Variants in CRTAC1 observed in about 807,000 individuals in gnomAD.
The protein encoded by CRTAC1 is acidic secreted protein in cartilage.
A neutral mutation model predicts 67.8 loss-of-function variants in CRTAC1; 37 were observed. That is an observed-to-expected ratio of 0.55 (90% CI 0.42 to 0.72). CRTAC1 has a LOEUF of 0.72. CRTAC1 is among the 30% of genes least tolerant of loss of function. CRTAC1 has a pLI of 0.00. For synonymous variants in CRTAC1, 348 were observed against 371.0 expected, an observed-to-expected ratio of 0.94 and a Z score of 0.71; for missense variants, 780 against 931.6, an observed-to-expected ratio of 0.84 and a Z score of 2.12.
chr10:97,996,845 C>A (rs1330819279), intron 2 of CRTAC1, among the ~76,000 whole-genome samples: 1 of 151,988 alleles, frequency 6.6e-6, no homozygotes, highest in Non-Finnish European at 1.5e-5. Context: ...AAATGTCCAA[C>A]AATGATAGAT....
At chr10:98,009,877 AGC>A (rs1288587011) in intron 2 of CRTAC1, among the ~76,000 whole-genome samples, 2 of 152,156 alleles carry the variant, frequency 1.3e-5, no homozygotes, top group African/African-American at 4.8e-5. Context: ...CTATTTACTT[AGC>A]AGAGAGCAAG....
chr10:97,897,361 A>T (rs978871818), intron 8 of CRTAC1, among the ~76,000 whole-genome samples: 3 of 151,938 alleles, frequency 2.0e-5, no homozygotes, highest in Admixed American at 6.6e-5. Flanking sequence ...GTTTAACCCC[A>T]CTCAATGCTA....
chr10:97,924,042 G>A (rs2136597432), intron 3 of CRTAC1, among the ~76,000 whole-genome samples: 1 of 152,272 alleles, frequency 6.6e-6, no homozygotes, highest in Admixed American at 6.5e-5. Context: ...TGGATTACTG[G>A]CCCCTTTGAG....
intron 5 of CRTAC1, among the ~76,000 whole-genome samples, chr10:97,915,977 C>T (rs981456891): frequency 7.9e-5 from 12 of 152,130 alleles, no homozygotes; most frequent in Admixed American, 7.9e-4. Context: ...TCCTCATCTG[C>T]CTCCTCTGGG....
At chr10:97,977,657 G>A (rs1164645339) in intron 2 of CRTAC1, among the ~76,000 whole-genome samples, 2 of 152,176 alleles carry the variant, frequency 1.3e-5, no homozygotes, top group Non-Finnish European at 1.5e-5. Context: ...GAGACCCAGA[G>A]AGGAACAAGA....
intron 3 of CRTAC1, among the ~76,000 whole-genome samples, chr10:97,928,108 G>C (rs1474410075): frequency 1.3e-5 from 2 of 152,222 alleles, no homozygotes; most frequent in African/African-American, 4.8e-5. Context: ...GGCAGGGCAG[G>C]GGGCCATGGA....
In CRTAC1 at chr10:97,955,592, G is replaced by A. The variant is rs911384162; in HGVS notation, c.225-19226C>T. On this transcript the variant is annotated intron_variant, in intron 2 of 14. Transcript: ENST00000370597. The stretch of plus-strand genomic sequence containing the variant: ...ATCTCATTCCCATTTTCATTGTCTT[G>A]TGCATGCCTCTACTGACCAGTTCCC... Among the ~76,000 whole-genome samples, 14 of 152,064 alleles carry A rather than the reference G, an allele frequency of 9.2e-5. 1 individual carries two copies. The highest frequency in any genetic ancestry group is 1.5e-5 in the Non-Finnish European group (1 of 68,020).
chr10:97,909,985 T>A (rs1167255809), intron 5 of CRTAC1, among the ~76,000 whole-genome samples: 1 of 151,886 alleles, frequency 6.6e-6, no homozygotes, highest in East Asian at 1.9e-4. Context: ...ATCTCACTTA[T>A]ATGTGGAATC....
At chr10:97,942,626 C>A (rs1207286637) in intron 2 of CRTAC1, among the ~76,000 whole-genome samples, 2 of 152,072 alleles carry the variant, frequency 1.3e-5, no homozygotes, top group African/African-American at 4.8e-5. Flanking sequence ...ATACCAGAAA[C>A]TGTGCTAAGT....
chr10:98,010,458 T>C (rs574487935), intron 2 of CRTAC1, among the ~76,000 whole-genome samples: 17 of 152,316 alleles, frequency 1.1e-4, no homozygotes, highest in South Asian at 4.1e-4. Context: ...TTTTTACAGA[T>C]GATATCTCTG....
intron 13 of CRTAC1, 149 bp from the exon 14 acceptor site, chr10:97,880,541 TC>T: frequency 2.0e-6 from 2 of 1,016,786 alleles, no homozygotes; most frequent in South Asian, 3.2e-5. Flanking sequence ...GGCTGGCTCC[TC>T]CTGTACTTGG....
intron 12 of CRTAC1, among the ~76,000 whole-genome samples, 199 bp downstream of exon 12, chr10:97,884,007 T>G (rs188969696): frequency 4.6e-5 from 7 of 152,248 alleles, no homozygotes; most frequent in African/African-American, 1.7e-4. Flanking sequence ...CCAGGGATTC[T>G]TTGAGAAGCA....
chr10:97,890,500 GTGTC>G (rs1299545642), intron 11 of CRTAC1, among the ~76,000 whole-genome samples: 1 of 152,134 alleles, frequency 6.6e-6, no homozygotes, highest in African/African-American at 2.4e-5. Flanking sequence ...CAAGAAATAT[GTGTC>G]TGTAAGTGTG....
rs1458358107 is a variant in CRTAC1 at position 98,030,490 on chromosome 10, C to A, written c.-18G>T. On this transcript the variant is annotated 5_prime_UTR_variant, in exon 1 of 15. Transcript: ENST00000370597. This position sits in a 1 kb window ranked among gnomAD's most constrained non-coding sequence, Gnocchi z 4.2. ...GGAGCCATCCTCCCGCTCTCGGCCC[C>A]GCCGCCTAGGGGCGTGGGAAGCGGG... 4 of 1,245,980 alleles carry A rather than the reference C, an allele frequency of 3.2e-6. No individual in the cohort carries two copies. The highest frequency in any genetic ancestry group is 4.1e-5 in the South Asian group (1 of 24,452). 77.2% of individuals were successfully genotyped at this position (1,245,980 alleles called of 1,614,324 possible).
At chr10:97,920,718 CT>C (rs1564894978) in intron 4 of CRTAC1, among the ~76,000 whole-genome samples, 1 of 152,248 alleles carries the variant, frequency 6.6e-6, no homozygotes, top group African/African-American at 2.4e-5. Context: ...AAATCCCTGG[CT>C]GCCTCCAGGC....
chr10:97,904,542 C>T, intron 7 of CRTAC1, 127 bp downstream of exon 7: 1 of 824,918 alleles, frequency 1.2e-6, no homozygotes. Context: ...GCCTCAGCTA[C>T]CGGAGTAGCT....
intron 14 of CRTAC1, among the ~76,000 whole-genome samples, chr10:97,872,673 G>C (rs914166846): frequency 2.6e-5 from 4 of 152,352 alleles, no homozygotes; most frequent in African/African-American, 9.6e-5. Flanking sequence ...TGGGTATAGA[G>C]AGATGACTGA....
chr10:97,889,761 C>T (rs994269556), intron 11 of CRTAC1, among the ~76,000 whole-genome samples: 2 of 152,132 alleles, frequency 1.3e-5, no homozygotes, highest in Non-Finnish European at 2.9e-5. Context: ...GGGGAGGCAG[C>T]GCGTGACTCA....
intron 2 of CRTAC1, among the ~76,000 whole-genome samples, chr10:97,946,431 C>T (rs1162269809): frequency 2.6e-5 from 4 of 152,184 alleles, no homozygotes; most frequent in African/African-American, 4.8e-5. Flanking sequence ...AGACTCACAT[C>T]TCAGCTTCAG....
Sources: allele counts gnomAD v4.1 joint callset (sites outside exome capture counted in the v4.1 genomes callset), GRCh38; gene constraint gnomAD v4.1.1; non-coding constraint Gnocchi (gnomAD v3.1); transcripts MANE v1.5; gene names NCBI Gene and HGNC (gene_info 2026-07-23, HGNC 2026-07-21).